The following AK3 variants were observed in gnomAD, a reference collection of about 807,000 sequenced individuals.
AK3 encodes adenylate kinase 3.
A neutral mutation model predicts 23.7 loss-of-function variants in AK3; 27 were observed. That is an observed-to-expected ratio of 1.14 (90% CI 0.84 to 1.57). The LOEUF (loss-of-function observed/expected upper bound fraction) is 1.57. Ranked by LOEUF, AK3 falls within the 40% of genes most tolerant of loss-of-function variation. The pLI is 0.00. For synonymous variants in AK3, 159 were observed against 116.0 expected, an observed-to-expected ratio of 1.37 and a Z score of -2.38; for missense variants, 406 against 285.6, an observed-to-expected ratio of 1.42 and a Z score of -3.04.
chr9:4,735,478 ATTTT>A (rs201454793), intron 1 of AK3, among the ~76,000 whole-genome samples: 2,830 of 62,654 alleles, frequency 0.045, 320 homozygotes, highest in African/African-American at 0.056. Flanking sequence ...ATATATATAT[ATTTT>A]TTTTTTTTTT....
intron 1 of AK3, among the ~76,000 whole-genome samples, chr9:4,725,019 C>CTTTTTTTTTTTTTTTTTTTTTT (rs1491310710): frequency 1.9e-5 from 1 of 53,302 alleles, no homozygotes; most frequent in African/African-American, 3.8e-5. Context: ...AGCTACTAAA[C>CTTTTTTTTTTTTTTTTTTTTTT]TCTTTTTTTT....
intron 4 of AK3, among the ~76,000 whole-genome samples, chr9:4,715,216 C>CAAAAAA (rs1237615381): frequency 1.1e-4 from 6 of 56,848 alleles, no homozygotes; most frequent in Middle Eastern, 7.7e-3. Context: ...GACTCCGTCT[C>CAAAAAA]AAAAAAAAAA....
At chr9:4,739,975 C>A (rs918979666) in intron 1 of AK3, among the ~76,000 whole-genome samples, 1 of 151,328 alleles carries the variant, frequency 6.6e-6, no homozygotes, top group Non-Finnish European at 1.5e-5. Context: ...AACTCTGTTC[C>A]CCTCCGAAGA....
At chr9:4,729,321 T>C (rs921075363) in intron 1 of AK3, among the ~76,000 whole-genome samples, 1 of 152,246 alleles carries the variant, frequency 6.6e-6, no homozygotes, top group South Asian at 2.1e-4. Flanking sequence ...AAATAAAATT[T>C]TTTAAATTTG....
chr9:4,720,303 C>T (rs114010392), intron 2 of AK3, among the ~76,000 whole-genome samples: 3,818 of 152,272 alleles, frequency 0.025, 163 homozygotes, highest in African/African-American at 0.087. Flanking sequence ...TCACAAACTT[C>T]TGACTTTGCA....
At chr9:4,717,462 C>T (rs561121295) in intron 4 of AK3, among the ~76,000 whole-genome samples, 1 of 152,322 alleles carries the variant, frequency 6.6e-6, no homozygotes, top group African/African-American at 2.4e-5. Flanking sequence ...TAGCTGCCAT[C>T]TGAGATTCTT....
At chr9:4,714,227 C>A (rs1425494791) in intron 4 of AK3, among the ~76,000 whole-genome samples, 2 of 150,356 alleles carry the variant, frequency 1.3e-5, no homozygotes, top group Non-Finnish European at 3.0e-5. Context: ...CATTCGCCTC[C>A]ACACATACAC....
At chr9:4,734,442 G>A (rs1215464882) in intron 1 of AK3, among the ~76,000 whole-genome samples, 1 of 152,174 alleles carries the variant, frequency 6.6e-6, no homozygotes, top group Non-Finnish European at 1.5e-5. Flanking sequence ...TGCTCTCTGT[G>A]TCTCCACTAC....
At chr9:4,729,390 G>C (rs1358308861) in intron 1 of AK3, among the ~76,000 whole-genome samples, 2 of 152,114 alleles carry the variant, frequency 1.3e-5, no homozygotes, top group East Asian at 3.9e-4. Context: ...GCAGGAGGCT[G>C]AGGCCCAGGA....
At chr9:4,736,642 T>C (rs1210605498) in intron 1 of AK3, among the ~76,000 whole-genome samples, 1 of 151,936 alleles carries the variant, frequency 6.6e-6, no homozygotes, top group African/African-American at 2.4e-5. Flanking sequence ...TAGATGAGAA[T>C]AAATGAGATT....
intron 4 of AK3, among the ~76,000 whole-genome samples, chr9:4,713,649 CAG>C (rs1434624192): frequency 6.6e-6 from 1 of 152,088 alleles, no homozygotes; most frequent in African/African-American, 2.4e-5. Context: ...TGAATATTAA[CAG>C]AAAGGGGAAT....
intron 1 of AK3, among the ~76,000 whole-genome samples, chr9:4,729,015 A>ATATATATATTATT (rs71326127): frequency 7.7e-6 from 1 of 129,450 alleles, no homozygotes; most frequent in Non-Finnish European, 1.6e-5. Context: ...ATATATATAT[A>ATATATATATTATT]TTTTTTTTTT....
chr9:4,716,871 T>C (rs7871915), intron 4 of AK3, among the ~76,000 whole-genome samples: 1,637 of 152,234 alleles, frequency 0.011, 35 homozygotes, highest in African/African-American at 0.037. Flanking sequence ...TTCAAGGCTG[T>C]AGTGAACTAT....
At chr9:4,716,169 C>T (rs1454537521) in intron 4 of AK3, among the ~76,000 whole-genome samples, 1 of 152,172 alleles carries the variant, frequency 6.6e-6, no homozygotes, top group African/African-American at 2.4e-5. Context: ...ATAAATTCCC[C>T]TTTTGCTTAA....
chr9:4,722,088 G>T (rs1396932752), intron 2 of AK3, among the ~76,000 whole-genome samples: 1 of 152,152 alleles, frequency 6.6e-6, no homozygotes, highest in Non-Finnish European at 1.5e-5. Context: ...TGAGAGCTGA[G>T]GACTCAACTG....
chr9:4,714,711 G>A (rs1841673440), intron 4 of AK3, among the ~76,000 whole-genome samples: 1 of 152,044 alleles, frequency 6.6e-6, no homozygotes, highest in Non-Finnish European at 1.5e-5. Flanking sequence ...TTCAACAATT[G>A]GTCCTCCAAA....
Position 4,710,491 on chromosome 9 carries a change from T to A in AK3, c.*2485A>T, listed in dbSNP as rs1468130923. On this transcript the variant is annotated 3_prime_UTR_variant, in exon 5 of 5. Transcript: ENST00000381809. ...GCCTCGGCCTCCCAAAGTGCTGGGA[T>A]TACAGGCGTGAGCCACCGCGCCCGG... 2.0e-5 allele frequency: 3 copies of A among 151,900 alleles called. No homozygotes were observed. Among genetic ancestry groups the A allele is most frequent in the Non-Finnish European group, 4.4e-5 (3 of 68,056 alleles). 9.4% of individuals were successfully genotyped at this position (151,900 alleles called of 1,614,324 possible). A position where few individuals can be genotyped will look rare whatever the true frequency, so the allele number is the denominator to read the frequency against.
chr9:4,715,323 A>G (rs556046481), intron 4 of AK3, among the ~76,000 whole-genome samples: 3 of 151,912 alleles, frequency 2.0e-5, no homozygotes, highest in African/African-American at 7.2e-5. Flanking sequence ...GACTTCTAAA[A>G]TATCTCCTAA....
intron 2 of AK3, among the ~76,000 whole-genome samples, chr9:4,722,260 C>G (rs983950419): frequency 1.3e-5 from 2 of 152,158 alleles, no homozygotes; most frequent in African/African-American, 4.8e-5. Flanking sequence ...ACAAAATATT[C>G]TCAAAGAAAG....
Sources: allele counts gnomAD v4.1 joint callset (sites outside exome capture counted in the v4.1 genomes callset), GRCh38; gene constraint gnomAD v4.1.1; transcripts MANE v1.5; gene names NCBI Gene and HGNC (gene_info 2026-07-23, HGNC 2026-07-21).